The following ARHGAP6 variants were observed in gnomAD, a reference collection of about 807,000 sequenced individuals.
The protein encoded by ARHGAP6 is rho GTPase-activating protein 6.
Under a neutral mutation model 55.7 loss-of-function variants are expected in ARHGAP6, and 16 were observed. The ratio of observed to expected loss-of-function variants is 0.29; its 90% CI spans 0.19 to 0.44. The LOEUF (loss-of-function observed/expected upper bound fraction) is 0.44, where lower values mean the gene tolerates loss of function less well. Among genes scored for constraint, ARHGAP6 ranks in the 20% least tolerant of loss-of-function variants. The pLI is 1.00. For synonymous variants in ARHGAP6, 382 were observed against 360.9 expected (o/e 1.06, Z -0.66); for missense variants, 698 against 808.9 (o/e 0.86, Z 1.66).
intron 1 of ARHGAP6, among the ~76,000 whole-genome samples, chrX:11,527,461 A>T (rs2051002488): frequency 9.0e-6 from 1 of 110,936 alleles, no homozygotes. Flanking sequence ...AAAATACAAA[A>T]ATTAGCCGGG....
chrX:11,642,465 T>C (rs1256712862), intron 1 of ARHGAP6, among the ~76,000 whole-genome samples: 1 of 112,010 alleles, frequency 8.9e-6, no homozygotes, highest in African/African-American at 3.2e-5. Context: ...AAAACATGTA[T>C]CTACACAAAG....
At position 11,497,277 on chromosome X, in the gene ARHGAP6, A is replaced by G. The variant is rs111948626; in HGVS notation, c.588+166964T>C. The stretch of plus-strand genomic sequence containing the variant: ...TATATAGATAAGATTTCTGAACATA[A>G]GAAGTTTATTCATAGTCTTACATAA... On this transcript the variant is annotated intron_variant, in intron 1 of 12. Coordinates refer to ENST00000337414, the MANE Select transcript of ARHGAP6 (RefSeq NM_013427.3). Among the ~76,000 whole-genome samples the G allele has an allele frequency of 6.9e-3, 772 of 112,328 alleles. 2 individuals carry two copies. Among genetic ancestry groups the G allele is most frequent in the Middle Eastern group, 0.023 (5 of 218 alleles).
At chrX:11,281,535 G>T (rs1035893134) in intron 1 of ARHGAP6, among the ~76,000 whole-genome samples, 1 of 111,053 alleles carries the variant, frequency 9.0e-6, no homozygotes, top group African/African-American at 3.3e-5. Flanking sequence ...AAACTACGGG[G>T]TATCTATTCA....
In ARHGAP6 at chrX:11,139,406, C is replaced by T; in HGVS notation, c.2382G>A (p.Thr794=). ...QGSPAELDSD[T]QGARRTQAAA... The stretch of plus-strand genomic sequence containing the variant: ...CGGCCTGAGTCCTCCGAGCCCCCTG[C>T]GTGTCGCTGTCCAGCTCTGCGGGGC... The change falls in exon 13 of 13, where the codon ACG becomes ACA. Residue 794 remains threonine (T), a synonymous_variant. Transcript: ENST00000337414. 1.7e-6 allele frequency: 2 copies of T among 1,189,148 alleles called. No individual in the cohort carries two copies. Among genetic ancestry groups the T allele is most frequent in the Non-Finnish European group, 2.3e-6 (2 of 886,374 alleles).
intron 2 of ARHGAP6, among the ~76,000 whole-genome samples, chrX:11,249,147 T>A (rs768389001): frequency 1.2e-4 from 13 of 111,908 alleles, no homozygotes; most frequent in African/African-American, 3.9e-4. Context: ...TGGAGACTAT[T>A]ATTCTAAGTG....
At chrX:11,551,479 G>T (rs950818584) in intron 1 of ARHGAP6, among the ~76,000 whole-genome samples, 1 of 111,239 alleles carries the variant, frequency 9.0e-6, no homozygotes, top group Non-Finnish European at 1.9e-5. Flanking sequence ...ATGCTGCAAT[G>T]AACACTTTTG....
Position 11,310,848 on chromosome X carries a change from A to T in ARHGAP6, c.589-56141T>A, listed in dbSNP as rs558911437. ...CATGGTTCAGCCCCACTCCTCCCCA[A>T]CTCCTTCATTTCTGAGTAGTGGCTC... On this transcript the variant is annotated intron_variant, in intron 1 of 12. Transcript: ENST00000337414. Among the ~76,000 whole-genome samples, 5 of 110,226 alleles carry T rather than the reference A, an allele frequency of 4.5e-5. No individual in the cohort carries two copies. The South Asian group carries it at 1.9e-3, about 42-fold the overall frequency.
At chrX:11,601,477 A>G (rs1317681483) in intron 1 of ARHGAP6, among the ~76,000 whole-genome samples, 1 of 111,937 alleles carries the variant, frequency 8.9e-6, no homozygotes, top group Non-Finnish European at 1.9e-5. Context: ...TCATGGTACC[A>G]GGGACACAGA....
intron 1 of ARHGAP6, among the ~76,000 whole-genome samples, chrX:11,385,484 TATTAATACA>T (rs1417748872): frequency 8.9e-6 from 1 of 111,993 alleles, no homozygotes; most frequent in Non-Finnish European, 1.9e-5. Context: ...CAAACTTTGG[TATTAATACA>T]ATTGAGTTGA....
Position 11,546,945 on chromosome X carries a change from G to T in ARHGAP6, c.588+117296C>A, listed in dbSNP as rs760111507. Among the ~76,000 whole-genome samples, 4 of 112,236 alleles carry T rather than the reference G, an allele frequency of 3.6e-5. No homozygotes were observed. In the South Asian group the frequency reaches 1.5e-3, roughly 41 times the overall value. On this transcript the variant is annotated intron_variant, in intron 1 of 12. Coordinates refer to ENST00000337414, the MANE Select transcript of ARHGAP6 (RefSeq NM_013427.3). Reference sequence around the variant, plus strand: ...AGGCTTCGCTTGTTAGTAAAACAGGGCTGAACTCAACATCAAACACCCAAG... The same window carrying T: ...AGGCTTCGCTTGTTAGTAAAACAGGTCTGAACTCAACATCAAACACCCAAG...
chrX:11,248,671 C>G (rs898348336), intron 2 of ARHGAP6, among the ~76,000 whole-genome samples: 2 of 112,216 alleles, frequency 1.8e-5, no homozygotes, highest in African/African-American at 6.5e-5. Flanking sequence ...AAAAAATGCT[C>G]AACATCACTA....
At chrX:11,468,880 G>C (rs1055588144) in intron 1 of ARHGAP6, among the ~76,000 whole-genome samples, 3 of 112,679 alleles carry the variant, frequency 2.7e-5, no homozygotes, top group African/African-American at 9.7e-5. Context: ...GACAGTATTT[G>C]AGGGTGGAAC....
chrX:11,190,334 T>G (rs1023259829), intron 3 of ARHGAP6, among the ~76,000 whole-genome samples: 7 of 110,375 alleles, frequency 6.3e-5, no homozygotes, highest in African/African-American at 2.3e-4. Context: ...ACTTCTCCTT[T>G]GAGTGATCAA....
chrX:11,308,605 T>C (rs1296673495), intron 1 of ARHGAP6, among the ~76,000 whole-genome samples: 1 of 111,501 alleles, frequency 9.0e-6, no homozygotes, highest in African/African-American at 3.3e-5. Context: ...AGTCATTATA[T>C]AGTACCCAAT....
chrX:11,373,524 C>A (rs2049169562), intron 1 of ARHGAP6, among the ~76,000 whole-genome samples: 1 of 111,797 alleles, frequency 8.9e-6, no homozygotes, highest in South Asian at 3.7e-4. Flanking sequence ...AACAGAAGGT[C>A]TGCATTTCAA....
intron 3 of ARHGAP6, among the ~76,000 whole-genome samples, chrX:11,194,475 A>G (rs1169669936): frequency 8.9e-6 from 1 of 112,171 alleles, no homozygotes; most frequent in Non-Finnish European, 1.9e-5. Context: ...GACTTCTTAA[A>G]GGTTCCACAA....
chrX:11,186,165 T>G, intron 5 of ARHGAP6, 71 bp downstream of exon 5: 1 of 966,011 alleles, frequency 1.0e-6, no homozygotes, highest in Non-Finnish European at 1.4e-6. Context: ...AGAATTGACA[T>G]TGGGTACTTC....
intron 3 of ARHGAP6, among the ~76,000 whole-genome samples, chrX:11,191,895 C>T (rs184834466): frequency 1.5e-3 from 164 of 112,013 alleles, no homozygotes; most frequent in Non-Finnish European, 2.8e-3. Context: ...TCTCTGGCTA[C>T]ATTCTTGCCC....
intron 1 of ARHGAP6, among the ~76,000 whole-genome samples, chrX:11,449,508 C>T (rs1028791685): frequency 8.9e-6 from 1 of 112,113 alleles, no homozygotes; most frequent in South Asian, 3.7e-4. Context: ...AGTCACACCT[C>T]CACTAGTGGA....
Sources: allele counts gnomAD v4.1 joint callset (sites outside exome capture counted in the v4.1 genomes callset), GRCh38; gene constraint gnomAD v4.1.1; transcripts MANE v1.5; gene names NCBI Gene and HGNC (gene_info 2026-07-23, HGNC 2026-07-21).